EXOC5: variants seen among roughly 807,000 people sequenced by gnomAD.
EXOC5 encodes SEC10-like 1.
EXOC5 carries 17 observed loss-of-function variants against 90.8 expected under a neutral mutation model. That is an observed-to-expected ratio of 0.19 (90% CI 0.13 to 0.28). The LOEUF is 0.28. EXOC5 is among the 10% of genes least tolerant of loss of function. EXOC5 has a pLI of 1.00. For synonymous variants in EXOC5, 260 were observed against 270.0 expected (o/e 0.96, Z 0.36); for missense variants, 569 against 830.6 (o/e 0.69, Z 3.87).
rs1180219502 is a variant in EXOC5 at position 57,201,523 on chromosome 14, T to TAC, written c.*7084_*7085dup. 5 of 141,896 alleles carry TAC rather than the reference T, an allele frequency of 3.5e-5. 1 individual carries two copies. The East Asian group carries it at 1.0e-3, about 28-fold the overall frequency. 8.8% of individuals were successfully genotyped at this position (141,896 alleles called of 1,614,324 possible). On this transcript the variant is annotated 3_prime_UTR_variant, in exon 18 of 18. Transcript: ENST00000621441. ...ATATACACACACATATGTATATATA[T>TAC]ACACACACACCACACATATACATAT...
intron 15 of EXOC5, among the ~76,000 whole-genome samples, chr14:57,213,840 C>T (rs954875059): frequency 3.3e-5 from 5 of 151,486 alleles, no homozygotes; most frequent in African/African-American, 9.7e-5. Flanking sequence ...CATGGTGGTG[C>T]GCACCTGTAG....
chr14:57,237,180 T>A (rs1883688957), intron 6 of EXOC5, among the ~76,000 whole-genome samples, 158 bp downstream of exon 6: 1 of 152,122 alleles, frequency 6.6e-6, no homozygotes, highest in Admixed American at 6.5e-5. Context: ...AATGGTTGTT[T>A]TGAGGGAAGA....
chr14:57,240,461 T>C (rs563679295), intron 4 of EXOC5, among the ~76,000 whole-genome samples: 81 of 152,266 alleles, frequency 5.3e-4, no homozygotes, highest in Middle Eastern at 3.4e-3. Context: ...TTTGTATTTT[T>C]AGTAGACACG....
At position 57,206,920 on chromosome 14, in the gene EXOC5, T is replaced by C. The variant is rs533849361; in HGVS notation, c.*1689A>G. ...GGCCAGTAAAACTACTGCCTTAAAA[T>C]TGTTGGCTTTAAGTAACAGAGGTAA... is the stretch of plus-strand genomic sequence containing the variant. On this transcript the variant is annotated 3_prime_UTR_variant, in exon 18 of 18. Transcript: ENST00000621441. 21 of 152,532 alleles carry C rather than the reference T, an allele frequency of 1.4e-4. No homozygotes were observed. Among genetic ancestry groups the C allele is most frequent in the African/African-American group, 4.1e-4 (17 of 41,542 alleles). 9.4% of individuals were successfully genotyped at this position (152,532 alleles called of 1,614,324 possible).
chr14:57,217,582 G>C (rs1354466042), intron 15 of EXOC5, among the ~76,000 whole-genome samples: 1 of 152,054 alleles, frequency 6.6e-6, no homozygotes, highest in Non-Finnish European at 1.5e-5. Flanking sequence ...GACTACTCCA[G>C]ATAATGGCTG....
At chr14:57,267,719 T>C (rs1884719549) in intron 1 of EXOC5, among the ~76,000 whole-genome samples, 1 of 152,232 alleles carries the variant, frequency 6.6e-6, no homozygotes, top group Non-Finnish European at 1.5e-5. Flanking sequence ...CTCAAACTTT[T>C]ATCACAGCTT....
chr14:57,267,405 T>G (rs1884703662), intron 1 of EXOC5, among the ~76,000 whole-genome samples: 1 of 152,198 alleles, frequency 6.6e-6, no homozygotes, highest in Non-Finnish European at 1.5e-5. Flanking sequence ...CAAAATATAG[T>G]AACAATAACA....
chr14:57,208,669 G>T lies in EXOC5; in HGVS notation c.2067C>A (p.His689Gln). 6.2e-7 allele frequency: 1 copy of T among 1,612,046 alleles called. No homozygotes were observed. The highest frequency in any genetic ancestry group is 2.2e-5 in the East Asian group (1 of 44,868). The change falls in exon 18 of 18, where the codon CAC (histidine) becomes CAA (glutamine). Residue 689 changes from histidine (H) to glutamine (Q), a missense_variant. Physicochemically the swap from His to Gln is conservative, Grantham distance 24. Transcript: ENST00000621441. ...QLANLDKNIL[H>Q]SFVQLRADYR... ...AATCAGCACGAAGTTGTACGAAGGA[G>T]TGAAGTATATTCTTGTCCAGATTAG...
At chr14:57,260,787 C>A (rs925274645) in intron 1 of EXOC5, among the ~76,000 whole-genome samples, 5 of 152,134 alleles carry the variant, frequency 3.3e-5, no homozygotes, top group Non-Finnish European at 7.4e-5. Context: ...AGGTACTAAA[C>A]CAGGATTCTA....
rs147575134 is a variant in EXOC5, at chr14:57,210,431, T to C, written c.1614-370A>G. ...TCTTGGGACCAGAAGTGTTTTGGAT[T>C]TTGAAATTTTTCAGATTTTGGAATA... is the stretch of plus-strand genomic sequence containing the variant. On this transcript the variant is annotated intron_variant, in intron 15 of 17. Transcript: ENST00000621441. Among the ~76,000 whole-genome samples the C allele has an allele frequency of 4.0e-3, 615 of 152,280 alleles. 8 individuals carry two copies. Among genetic ancestry groups the C allele is most frequent in the African/African-American group, 0.014 (577 of 41,554 alleles).
intron 15 of EXOC5, among the ~76,000 whole-genome samples, chr14:57,212,180 T>C (rs1319082740): frequency 4.6e-5 from 7 of 152,192 alleles, no homozygotes; most frequent in Admixed American, 1.3e-4. Context: ...AGTGTTTCTA[T>C]ATTTACTCTT....
chr14:57,233,826 T>G lies in EXOC5; in HGVS notation c.772A>C (p.Asn258His), dbSNP rs2139638091. Residue 258 changes from asparagine (N) to histidine (H), a missense_variant, in exon 9 of 18, where the codon AAC (asparagine) becomes CAC (histidine). Asn to His is a moderately conservative substitution (Grantham distance 68, BLOSUM62 1). Around this residue, in one of 9 missense-constraint regions of EXOC5, gnomAD observed 114 missense variants for 111.2 expected, o/e 1.03. Transcript: ENST00000621441. ...EDAGILCQRV[N>H]KQVGDIFSNP... ...CTGAAGATATCTCCAACTTGTTTGT[T>G]CACTCTTTGACAGAGTATTCCAGCG... The G allele has an allele frequency of 6.2e-7, 1 of 1,607,180 alleles. No individual in the cohort carries two copies. Among genetic ancestry groups the G allele is most frequent in the East Asian group, 2.2e-5 (1 of 44,726 alleles).
At chr14:57,217,010 T>C (rs946458398) in intron 15 of EXOC5, among the ~76,000 whole-genome samples, 3 of 152,180 alleles carry the variant, frequency 2.0e-5, no homozygotes, top group Admixed American at 2.0e-4. Flanking sequence ...CTAACAGGTA[T>C]ATGAAAAGGT....
intron 1 of EXOC5, among the ~76,000 whole-genome samples, chr14:57,255,721 A>G (rs778316972): frequency 1.3e-5 from 2 of 151,852 alleles, no homozygotes; most frequent in Non-Finnish European, 2.9e-5. Context: ...AGTCCTAGCT[A>G]CTCGGGAAGC....
chr14:57,208,420 T>C lies in EXOC5; in HGVS notation c.*189A>G. The C allele has an allele frequency of 2.4e-6, 1 of 425,446 alleles. No homozygotes were observed. The highest frequency in any genetic ancestry group is 4.2e-6 in the Non-Finnish European group (1 of 238,582). The allele number at this position is 425,446 out of a possible 1,614,324, so 26.4% of individuals were successfully genotyped here. On this transcript the variant is annotated 3_prime_UTR_variant, in exon 18 of 18. Coordinates refer to ENST00000621441, the MANE Select transcript of EXOC5 (RefSeq NM_006544.4). The stretch of plus-strand genomic sequence containing the variant: ...TGAGGGGAAAAAAGCAAAATATAGC[T>C]AGTGGTATCCAAACTTTAAATAAAA...
chr14:57,264,380 CAAAT>C (rs1472559380), intron 1 of EXOC5, among the ~76,000 whole-genome samples: 5 of 152,032 alleles, frequency 3.3e-5, no homozygotes, highest in African/African-American at 1.2e-4. Context: ...AATTAAGAGA[CAAAT>C]AAATGTGGGA....
intron 1 of EXOC5, among the ~76,000 whole-genome samples, chr14:57,263,739 T>TA (rs550651836): frequency 0.038 from 1,474 of 38,846 alleles, 22 homozygotes; most frequent in Admixed American, 0.091. Flanking sequence ...CACTCCAGCC[T>TA]AAAAAAAAAA....
At chr14:57,253,557 T>C (rs1884255397) in intron 1 of EXOC5, among the ~76,000 whole-genome samples, 2 of 152,046 alleles carry the variant, frequency 1.3e-5, no homozygotes, top group Non-Finnish European at 2.9e-5. Flanking sequence ...CACAAAACAA[T>C]CTTGAAAAAG....
At chr14:57,257,997 T>C (rs573421584) in intron 1 of EXOC5, among the ~76,000 whole-genome samples, 7 of 152,358 alleles carry the variant, frequency 4.6e-5, no homozygotes, top group African/African-American at 1.4e-4. Context: ...TCTAGAACTA[T>C]GCACTAAGAT....
Sources: gnomAD v4.1 joint callset for allele counts (sites outside exome capture counted in the v4.1 genomes callset) on GRCh38, gnomAD v4.1.1 for gene constraint, gnomAD v4.1.1 regional missense constraint, MANE v1.5 for transcripts, NCBI Gene and HGNC (gene_info 2026-07-23, HGNC 2026-07-21) for gene names.